CACNB2: variants seen among roughly 807,000 people sequenced by gnomAD.
CACNB2 encodes voltage-dependent L-type calcium channel subunit beta-2.
In CACNB2, 42 loss-of-function variants were observed where a neutral mutation model predicts 73.3. The observed-to-expected ratio is 0.57, with a 90% confidence interval of 0.45 to 0.74. The LOEUF (loss-of-function observed/expected upper bound fraction) is 0.74, where lower values mean the gene tolerates loss of function less well. CACNB2 is among the 30% of genes least tolerant of loss of function. The probability of loss-of-function intolerance (pLI) is 0.00; values close to 1 mark genes in which losing one functional copy is unlikely to be tolerated. For synonymous variants in CACNB2, 348 were observed against 310.3 expected (o/e 1.12, Z -1.28); for missense variants, 940 against 853.0 (o/e 1.10, Z -1.27).
chr10:18,317,989 G>A (rs2040256691), intron 2 of CACNB2, among the ~76,000 whole-genome samples: 1 of 152,090 alleles, frequency 6.6e-6, no homozygotes, highest in African/African-American at 2.4e-5. Context: ...ACAAACAAAT[G>A]GGAAAACATT....
intron 3 of CACNB2, among the ~76,000 whole-genome samples, chr10:18,482,820 C>G (rs2048855171): frequency 6.6e-6 from 1 of 151,938 alleles, no homozygotes. Flanking sequence ...CCTGGGGTAT[C>G]TTTATTAAAG....
intron 2 of CACNB2, among the ~76,000 whole-genome samples, chr10:18,244,739 G>A (rs1395460012): frequency 6.6e-6 from 1 of 152,198 alleles, no homozygotes; most frequent in Non-Finnish European, 1.5e-5. Flanking sequence ...CCCCAAAGAT[G>A]TCCATGTTCC....
intron 2 of CACNB2, among the ~76,000 whole-genome samples, chr10:18,236,998 C>T (rs1051407417): frequency 6.6e-6 from 1 of 152,150 alleles, no homozygotes; most frequent in Non-Finnish European, 1.5e-5. Flanking sequence ...GGCGAAGTGC[C>T]AAGCAAGGCA....
chr10:18,333,738 T>C (rs923860692), intron 2 of CACNB2, among the ~76,000 whole-genome samples: 3 of 152,224 alleles, frequency 2.0e-5, no homozygotes, highest in East Asian at 1.9e-4. Context: ...AAGATGACAC[T>C]GTTGAGGCAT....
chr10:18,424,912 G>C (rs904715882), intron 3 of CACNB2, among the ~76,000 whole-genome samples: 1 of 152,180 alleles, frequency 6.6e-6, no homozygotes, highest in Non-Finnish European at 1.5e-5. Flanking sequence ...CAGTCTGGAA[G>C]CATTTATCCG....
intron 2 of CACNB2, among the ~76,000 whole-genome samples, chr10:18,173,101 G>A (rs2033362569): frequency 6.6e-6 from 1 of 151,894 alleles, no homozygotes; most frequent in South Asian, 2.1e-4. Flanking sequence ...TGTGTTTTTA[G>A]TAGAGATGGG....
chr10:18,412,563 C>T (rs968764891), intron 3 of CACNB2, among the ~76,000 whole-genome samples: 1 of 152,172 alleles, frequency 6.6e-6, no homozygotes, highest in African/African-American at 2.4e-5. Flanking sequence ...ATCACAAAGC[C>T]ACTGACCTTT....
In CACNB2 at chr10:18,439,832, C is replaced by T. The variant is rs146425759; in HGVS notation, c.333+37789C>T. ...TCTGCCTACTGCATGCCAGTGATCT[C>T]CCAGCCACCAGGAACAGAGTAAACA... On this transcript the variant is annotated intron_variant, in intron 3 of 13. Coordinates refer to ENST00000324631, the MANE Select transcript of CACNB2 (RefSeq NM_201596.3). Among the ~76,000 whole-genome samples the T allele has an allele frequency of 2.2e-3, 340 of 152,282 alleles. 1 individual carries two copies. Among genetic ancestry groups the T allele is most frequent in the African/African-American group, 7.5e-3 (311 of 41,560 alleles).
chr10:18,186,756 T>C (rs914152473), intron 2 of CACNB2, among the ~76,000 whole-genome samples: 3 of 152,188 alleles, frequency 2.0e-5, no homozygotes, highest in Non-Finnish European at 4.4e-5. Context: ...GATCCAGTCA[T>C]GTCCCACCAT....
Position 18,448,491 on chromosome 10 carries a change from A to AAAG in CACNB2, c.333+46450_333+46451insGAA, listed in dbSNP as rs2046851074. 2.0e-5 allele frequency among the ~76,000 whole-genome samples: 3 copies of AAAG among 151,166 alleles called. No individual in the cohort carries two copies. In the South Asian group the frequency reaches 6.2e-4, roughly 31 times the overall value. On this transcript the variant is annotated intron_variant, in intron 3 of 13. Coordinates refer to ENST00000324631, the MANE Select transcript of CACNB2 (RefSeq NM_201596.3). ...ACTCTCTCTCATTTAAAAAAAAAAA[A>AAAG]AAAAAAAAAAGAAAAGAAAAGAAAG...
chr10:18,321,875 AGGGGT>A (rs2040409466), intron 2 of CACNB2, among the ~76,000 whole-genome samples: 1 of 152,052 alleles, frequency 6.6e-6, no homozygotes, highest in Admixed American at 6.6e-5. Flanking sequence ...TTTCTAAGCC[AGGGGT>A]GGTGGCTCAC....
chr10:18,275,703 A>G (rs1806799483), intron 2 of CACNB2, among the ~76,000 whole-genome samples: 1 of 152,214 alleles, frequency 6.6e-6, no homozygotes, highest in African/African-American at 2.4e-5. Flanking sequence ...AGAAAATAAA[A>G]TTGGATTTTA....
intron 3 of CACNB2, among the ~76,000 whole-genome samples, chr10:18,411,506 A>ATTTTTTTTTT (rs72400253): frequency 8.0e-6 from 1 of 125,690 alleles, no homozygotes; most frequent in Non-Finnish European, 1.6e-5. Context: ...GTCTTTGAGC[A>ATTTTTTTTTT]TTTTTTTTTT....
chr10:18,484,401 A>AGT, intron 3 of CACNB2, among the ~76,000 whole-genome samples: 1 of 77,764 alleles, frequency 1.3e-5, no homozygotes, highest in Non-Finnish European at 2.4e-5. Context: ...CTCAAAGAAA[A>AGT]AAAAAAAAAT....
chr10:18,543,344 G>A lies in CACNB2; in HGVS notation c.*3620G>A, dbSNP rs879620478. 1 of 152,002 alleles carries A rather than the reference G, an allele frequency of 6.6e-6. No homozygotes were observed. Among genetic ancestry groups the A allele is most frequent in the Non-Finnish European group, 1.5e-5 (1 of 68,012 alleles). The allele number at this position is 152,002 out of a possible 1,614,324, so 9.4% of individuals were successfully genotyped here. A position where few individuals can be genotyped will look rare whatever the true frequency, so the allele number is the denominator to read the frequency against. ...AGATAAAATATTTTATTCAACGTGAGCTCTAGCAGAATAATCTGGGTCAGT... is the reference window on the plus strand; with the variant it reads ...AGATAAAATATTTTATTCAACGTGAACTCTAGCAGAATAATCTGGGTCAGT... On this transcript the variant is annotated 3_prime_UTR_variant, in exon 14 of 14. Transcript: ENST00000324631.
At chr10:18,287,095 G>A (rs954793242) in intron 2 of CACNB2, among the ~76,000 whole-genome samples, 4 of 150,494 alleles carry the variant, frequency 2.7e-5, no homozygotes, top group African/African-American at 9.8e-5. Context: ...TTGGGAGGCT[G>A]AGGTGGGTAG....
intron 2 of CACNB2, chr10:18,341,045 C>G (rs2041214671): frequency 2.0e-6 from 3 of 1,511,272 alleles, no homozygotes; most frequent in South Asian, 2.2e-5. Flanking sequence ...ATGCATAGAA[C>G]TGTTGCCGAG....
At chr10:18,402,093 C>G (rs1425145839) in intron 3 of CACNB2, 50 bp downstream of exon 3, 3 of 1,593,790 alleles carry the variant, frequency 1.9e-6, no homozygotes, top group East Asian at 4.5e-5. Context: ...TGCTGTGCCC[C>G]TGATAGACCA....
At position 18,401,937 on chromosome 10, in the gene CACNB2, C is replaced by G. The variant is rs1420117412; in HGVS notation, c.227C>G (p.Ser76Cys). 1 of 1,613,928 alleles carries G rather than the reference C, an allele frequency of 6.2e-7. No individual in the cohort carries two copies. Among genetic ancestry groups the G allele is most frequent in the Non-Finnish European group, 8.5e-7 (1 of 1,179,918 alleles). Residue 76 changes from serine to cysteine, a missense_variant, in exon 3 of 14, where the codon TCC (serine) becomes TGC (cysteine). Coordinates refer to ENST00000324631, the MANE Select transcript of CACNB2 (RefSeq NM_201596.3). The part of the protein sequence containing the change: ...NSFVRQGSAD[S>C]YTSRPSDSDV... ...TTTCCTCTCCAGGGTTCGGCAGACT[C>G]CTACACTAGCCGTCCATCCGATTCC... is the stretch of plus-strand genomic sequence containing the variant.
Sources: allele counts gnomAD v4.1 joint callset (sites outside exome capture counted in the v4.1 genomes callset), GRCh38; gene constraint gnomAD v4.1.1; transcripts MANE v1.5; gene names NCBI Gene and HGNC (gene_info 2026-07-23, HGNC 2026-07-21).